The following OXR1 variants were observed in gnomAD, a reference collection of about 807,000 sequenced individuals.
The protein encoded by OXR1 is oxidation resistance protein 1.
Under a neutral mutation model 104.6 loss-of-function variants are expected in OXR1, and 41 were observed. The observed-to-expected ratio is 0.39, with a 90% CI of 0.31 to 0.51. The LOEUF is 0.51. OXR1 is among the 20% of genes least tolerant of loss of function. OXR1 has a pLI of 0.77. For synonymous variants in OXR1, 348 were observed against 348.4 expected (o/e 1.00, Z 0.01); for missense variants, 955 against 1,031.9 (o/e 0.93, Z 1.02).
At chr8:106,319,090 C>G (rs1814103909) in intron 1 of OXR1, among the ~76,000 whole-genome samples, 1 of 152,164 alleles carries the variant, frequency 6.6e-6, no homozygotes, top group Non-Finnish European at 1.5e-5. Flanking sequence ...CATAAAGATG[C>G]CTTACAAAAT....
intron 2 of OXR1, among the ~76,000 whole-genome samples, chr8:106,408,193 C>A (rs1225205648): frequency 6.6e-6 from 1 of 152,102 alleles, no homozygotes; most frequent in Non-Finnish European, 1.5e-5. Flanking sequence ...AGATACTTGC[C>A]AAAGCCAAGA....
intron 3 of OXR1, among the ~76,000 whole-genome samples, chr8:106,676,070 G>A (rs1295374659): frequency 6.6e-6 from 1 of 151,960 alleles, no homozygotes; most frequent in Admixed American, 6.6e-5. Context: ...ATCTTTGTTG[G>A]TTTAAAGTCT....
At chr8:106,575,201 T>C (rs1446519121) in intron 3 of OXR1, among the ~76,000 whole-genome samples, 1 of 152,172 alleles carries the variant, frequency 6.6e-6, no homozygotes, top group Non-Finnish European at 1.5e-5. Flanking sequence ...ACTATCATCA[T>C]CTTTATGCAT....
At chr8:106,750,481 G>A (rs1784472) in intron 16 of OXR1, among the ~76,000 whole-genome samples, 59,730 of 151,432 alleles carry the variant, frequency 0.39, 12,635 homozygotes, top group Admixed American at 0.49. Context: ...ATGTGCCACC[G>A]CGCCTGGCTA....
chr8:106,305,878 A>G (rs1198642471), intron 1 of OXR1, among the ~76,000 whole-genome samples: 2 of 152,134 alleles, frequency 1.3e-5, no homozygotes, highest in Admixed American at 6.5e-5. Context: ...TCAAAGCCAC[A>G]GTTTTATACT....
chr8:106,420,729 A>G (rs1413627902), intron 2 of OXR1, among the ~76,000 whole-genome samples: 1 of 111,828 alleles, frequency 8.9e-6, no homozygotes, highest in Non-Finnish European at 1.7e-5. Flanking sequence ...GCATTAAAAT[A>G]TTGTGTGTGT....
At chr8:106,319,863 G>T (rs1814140383) in intron 1 of OXR1, among the ~76,000 whole-genome samples, 1 of 152,212 alleles carries the variant, frequency 6.6e-6, no homozygotes, top group African/African-American at 2.4e-5. Flanking sequence ...AATAGTTGCA[G>T]GTCAGCAGTA....
intron 3 of OXR1, among the ~76,000 whole-genome samples, chr8:106,678,721 A>G (rs1827844382): frequency 1.3e-5 from 2 of 152,042 alleles, no homozygotes; most frequent in African/African-American, 2.4e-5. Context: ...ACTTCATGGC[A>G]TGTTAATATG....
At chr8:106,372,803 G>A (rs1816762758) in intron 2 of OXR1, among the ~76,000 whole-genome samples, 1 of 152,090 alleles carries the variant, frequency 6.6e-6, no homozygotes, top group Admixed American at 6.5e-5. Context: ...AACATTACTG[G>A]TCCCAAGCAT....
At chr8:106,695,843 A>G (rs1278442077) in intron 7 of OXR1, among the ~76,000 whole-genome samples, 1 of 152,090 alleles carries the variant, frequency 6.6e-6, no homozygotes, top group Non-Finnish European at 1.5e-5. Context: ...TTTCATTTTT[A>G]GAGCAGTTTT....
intron 2 of OXR1, among the ~76,000 whole-genome samples, chr8:106,378,531 C>T (rs963518906): frequency 2.4e-4 from 37 of 152,126 alleles, no homozygotes; most frequent in African/African-American, 6.5e-4. Context: ...GTTTTTGAGA[C>T]GGAGTTTCAC....
In OXR1 at chr8:106,679,079, G is replaced by C. The variant is rs1485462007; in HGVS notation, c.221-131G>C. 3 of 476,382 alleles carry C rather than the reference G, an allele frequency of 6.3e-6. No individual in the cohort carries two copies. The East Asian group carries it at 1.0e-4, about 16-fold the overall frequency. The allele number at this position is 476,382 out of a possible 1,614,324, so 29.5% of individuals were successfully genotyped here. A position where few individuals can be genotyped will look rare whatever the true frequency, so the allele number is the denominator to read the frequency against. ...TTTTGACAGTTGCTTGATTTTTACA[G>C]CAGAGCATCCCAGGGAGTAAGCTGT... is the stretch of plus-strand genomic sequence containing the variant. On this transcript the variant is annotated intron_variant, in intron 3 of 16. Coordinates refer to ENST00000517566, the MANE Select transcript of OXR1 (RefSeq NM_001198533.2).
intron 2 of OXR1, among the ~76,000 whole-genome samples, chr8:106,438,451 G>T (rs984103662): frequency 2.6e-5 from 4 of 151,934 alleles, no homozygotes; most frequent in African/African-American, 9.7e-5. Flanking sequence ...ATACTATTTT[G>T]GATATACTGA....
At chr8:106,300,908 G>A (rs74705153) in intron 1 of OXR1, among the ~76,000 whole-genome samples, 1 of 152,006 alleles carries the variant, frequency 6.6e-6, no homozygotes, top group Admixed American at 6.6e-5. Context: ...GAAATTAGTT[G>A]GACAATGTTC....
At chr8:106,338,557 T>G (rs1258636474) in intron 1 of OXR1, among the ~76,000 whole-genome samples, 1 of 147,996 alleles carries the variant, frequency 6.8e-6, no homozygotes, top group Non-Finnish European at 1.5e-5. Flanking sequence ...AGTGAGACTC[T>G]GTCTCAGAAA....
chr8:106,535,898 TC>T (rs1009207940), intron 3 of OXR1, among the ~76,000 whole-genome samples: 60 of 152,236 alleles, frequency 3.9e-4, no homozygotes, highest in African/African-American at 1.4e-3. Flanking sequence ...ATTTTCCTTG[TC>T]ATTGGATGAG....
intron 2 of OXR1, among the ~76,000 whole-genome samples, chr8:106,417,615 T>G (rs1363438601): frequency 6.6e-6 from 1 of 152,146 alleles, no homozygotes; most frequent in African/African-American, 2.4e-5. Flanking sequence ...CTACAAAAAC[T>G]CTTACTTTTC....
rs145072635 is a variant in OXR1, at chr8:106,519,449, C to T, written c.220+310C>T. On this transcript the variant is annotated intron_variant, in intron 3 of 16. Coordinates refer to ENST00000517566, the MANE Select transcript of OXR1 (RefSeq NM_001198533.2). ...CTCTCTTAGGTTTTTCAATTTTTAACTTTGTGTGCTATTTTCATTTTAGCC... is the reference window on the plus strand; with the variant it reads ...CTCTCTTAGGTTTTTCAATTTTTAATTTTGTGTGCTATTTTCATTTTAGCC... 5.3e-5 allele frequency among the ~76,000 whole-genome samples: 8 copies of T among 152,232 alleles called. 1 individual carries two copies. The highest frequency in any genetic ancestry group is 1.7e-4 in the African/African-American group (7 of 41,554).
chr8:106,545,547 T>C (rs1002734800), intron 3 of OXR1, among the ~76,000 whole-genome samples: 3 of 152,186 alleles, frequency 2.0e-5, no homozygotes, highest in Non-Finnish European at 4.4e-5. Flanking sequence ...TGTAAACCTA[T>C]AATAATTAAA....
Sources: allele counts gnomAD v4.1 joint callset (sites outside exome capture counted in the v4.1 genomes callset), GRCh38; gene constraint gnomAD v4.1.1; transcripts MANE v1.5; gene names NCBI Gene and HGNC (gene_info 2026-07-23, HGNC 2026-07-21).